The following CDH13 variants were observed in gnomAD, a reference collection of about 807,000 sequenced individuals.
CDH13 encodes the protein cadherin-13.
CDH13 carries 24 observed loss-of-function variants against 63.8 expected under a neutral mutation model. That is an observed-to-expected ratio of 0.38 (90% CI 0.27 to 0.53). The LOEUF (loss-of-function observed/expected upper bound fraction) is 0.53, where lower values mean the gene tolerates loss of function less well. CDH13 is among the 20% of genes least tolerant of loss of function. CDH13 has a pLI of 0.85. For synonymous variants in CDH13, 503 were observed against 355.3 expected (o/e 1.42, Z -4.67); for missense variants, 1,049 against 903.1 (o/e 1.16, Z -2.07).
At chr16:82,778,879 A>C (rs557293909) in intron 1 of CDH13, among the ~76,000 whole-genome samples, 77 of 152,178 alleles carry the variant, frequency 5.1e-4, no homozygotes, top group Non-Finnish European at 9.6e-4. Context: ...TTAGGAACTG[A>C]AGTATCCTTG....
chr16:83,068,095 GC>G (rs983433958), intron 3 of CDH13, among the ~76,000 whole-genome samples: 3 of 152,250 alleles, frequency 2.0e-5, no homozygotes, highest in African/African-American at 7.2e-5. Flanking sequence ...CAAAACAAGG[GC>G]CCCACCTGAA....
intron 3 of CDH13, among the ~76,000 whole-genome samples, chr16:83,106,137 A>C (rs988320095): frequency 1.3e-5 from 2 of 152,250 alleles, no homozygotes; most frequent in African/African-American, 4.8e-5. Context: ...TTGCTAATCT[A>C]TTCTAAGGAA....
At chr16:82,714,513 A>G (rs914321563) in intron 1 of CDH13, among the ~76,000 whole-genome samples, 1 of 152,072 alleles carries the variant, frequency 6.6e-6, no homozygotes, top group African/African-American at 2.4e-5. Flanking sequence ...TAGGAGTTCA[A>G]GACAAGCCTG....
intron 6 of CDH13, among the ~76,000 whole-genome samples, chr16:83,443,389 C>T (rs2072540768): frequency 6.6e-6 from 1 of 152,142 alleles, no homozygotes; most frequent in Admixed American, 6.5e-5. Flanking sequence ...ATTAGGAGCA[C>T]ATTCTCAGTG....
Position 82,969,596 on chromosome 16 carries a change from C to A in CDH13, c.158-62414C>A, listed in dbSNP as rs914032202. ...ATATTGACAATTTGAACTAGGTAAT[C>A]TTTTGTTGTGAGGGAGTACATTATA... On this transcript the variant is annotated intron_variant, in intron 2 of 13. Transcript: ENST00000567109. 3.4e-5 allele frequency among the ~76,000 whole-genome samples: 5 copies of A among 149,186 alleles called. No homozygotes were observed. The East Asian group carries it at 1.0e-3, about 30-fold the overall frequency.
chr16:83,122,123 G>C (rs1242878672), intron 3 of CDH13, among the ~76,000 whole-genome samples: 1 of 152,076 alleles, frequency 6.6e-6, no homozygotes, highest in African/African-American at 2.4e-5. Context: ...ATTAGTATGT[G>C]GCATTAAATA....
intron 1 of CDH13, among the ~76,000 whole-genome samples, chr16:82,850,590 T>C (rs1489078661): frequency 2.0e-5 from 3 of 152,184 alleles, no homozygotes; most frequent in Admixed American, 6.5e-5. Context: ...GACTGCTTTC[T>C]ATTTTGAAAA....
intron 8 of CDH13, among the ~76,000 whole-genome samples, chr16:83,634,610 A>G (rs1306801945): frequency 1.3e-5 from 2 of 152,074 alleles, no homozygotes; most frequent in Admixed American, 6.5e-5. Flanking sequence ...CATGTTGGCC[A>G]GGTTGGTCTT....
chr16:83,027,605 A>G (rs1242374847), intron 2 of CDH13, among the ~76,000 whole-genome samples: 1 of 152,158 alleles, frequency 6.6e-6, no homozygotes, highest in African/African-American at 2.4e-5. Context: ...TTGTTTTGCA[A>G]TGAAGATCCA....
At chr16:83,102,930 C>CTTTTTTTTTTTCTTTTTCTT (rs2034562324) in intron 3 of CDH13, among the ~76,000 whole-genome samples, 14 of 96,882 alleles carry the variant, frequency 1.4e-4, no homozygotes, top group African/African-American at 6.5e-4. Context: ...TTTTCTTTTT[C>CTTTTTTTTTTTCTTTTTCTT]TTTTTTTTTT....
rs576643006 is a variant in CDH13, at chr16:83,329,517, G to A, written c.637-15345G>A. On this transcript the variant is annotated intron_variant, in intron 5 of 13. Coordinates refer to ENST00000567109, the MANE Select transcript of CDH13 (RefSeq NM_001257.5). ...CTCCCAAAGTGCCGGGATTACAGGC[G>A]TCAAATTAAAGGTTTTTGATTGTGA... Among the ~76,000 whole-genome samples, 20 of 152,110 alleles carry A rather than the reference G, an allele frequency of 1.3e-4. No homozygotes were observed. In the South Asian group the frequency reaches 1.5e-3, roughly 11 times the overall value.
intron 7 of CDH13, among the ~76,000 whole-genome samples, chr16:83,512,889 C>G (rs182695152): frequency 7.9e-4 from 120 of 151,980 alleles, no homozygotes; most frequent in Middle Eastern, 3.4e-3. Flanking sequence ...CCTGTGTTTT[C>G]AACAAACCCT....
intron 10 of CDH13, among the ~76,000 whole-genome samples, chr16:83,727,267 C>A (rs1453469167): frequency 7.0e-6 from 1 of 142,700 alleles, no homozygotes; most frequent in Admixed American, 6.8e-5. Flanking sequence ...GGAATGAAAT[C>A]AGCTAACATG....
chr16:83,461,318 TATCTC>T (rs1419816129), intron 6 of CDH13, among the ~76,000 whole-genome samples: 15 of 152,188 alleles, frequency 9.9e-5, no homozygotes, highest in Non-Finnish European at 2.2e-4. Flanking sequence ...GCATGAATCT[TATCTC>T]ATTCAACATT....
At chr16:83,179,440 T>C (rs1416604173) in intron 4 of CDH13, among the ~76,000 whole-genome samples, 2 of 138,416 alleles carry the variant, frequency 1.4e-5, no homozygotes, top group East Asian at 4.2e-4. Context: ...GATCAGGAGA[T>C]GGAGACCATC....
At position 82,896,717 on chromosome 16, in the gene CDH13, A is replaced by G. The variant is rs1005593720; in HGVS notation, c.157+38244A>G. The stretch of plus-strand genomic sequence containing the variant: ...ATGCAGGTCTGACTCTCAGTGAATA[A>G]GAGACGAAAGAAAGAAAGATTGAGT... On this transcript the variant is annotated intron_variant, in intron 2 of 13. Transcript: ENST00000567109. Among the ~76,000 whole-genome samples, 30 of 151,744 alleles carry G rather than the reference A, an allele frequency of 2.0e-4. No homozygotes were observed. In the East Asian group the frequency reaches 5.9e-3, roughly 30 times the overall value.
chr16:83,727,979 T>G (rs1427973515), intron 10 of CDH13, among the ~76,000 whole-genome samples: 1 of 152,220 alleles, frequency 6.6e-6, no homozygotes, highest in Non-Finnish European at 1.5e-5. Context: ...GAAAACTGCC[T>G]GAGGGAAGGC....
intron 2 of CDH13, among the ~76,000 whole-genome samples, chr16:82,930,830 T>C (rs1325691112): frequency 6.6e-6 from 1 of 152,154 alleles, no homozygotes; most frequent in Admixed American, 6.5e-5. Context: ...CCATTTCCTT[T>C]TTAGGAAATG....
chr16:82,996,666 A>T (rs907137015), intron 2 of CDH13, among the ~76,000 whole-genome samples: 1 of 152,210 alleles, frequency 6.6e-6, no homozygotes, highest in Non-Finnish European at 1.5e-5. Flanking sequence ...CAACTTGGAA[A>T]TATTAGGAAA....
Sources: allele counts gnomAD v4.1 joint callset (sites outside exome capture counted in the v4.1 genomes callset), GRCh38; gene constraint gnomAD v4.1.1; transcripts MANE v1.5; gene names NCBI Gene and HGNC (gene_info 2026-07-23, HGNC 2026-07-21).